Variants in SPOCK1 observed in about 807,000 individuals in gnomAD.
SPOCK1 encodes the protein SPARC (osteonectin), cwcv and kazal like domains proteoglycan 1.
A neutral mutation model predicts 55.3 loss-of-function variants in SPOCK1; 23 were observed. The observed-to-expected ratio is 0.42, with a 90% CI of 0.30 to 0.59. The LOEUF is 0.59. Ranked by LOEUF, SPOCK1 falls within the 20% of genes least tolerant of loss-of-function variation. The pLI is 0.22. For synonymous variants in SPOCK1, 226 were observed against 221.0 expected (o/e 1.02, Z -0.20); for missense variants, 499 against 552.5 (o/e 0.90, Z 0.97).
At chr5:137,260,546 G>A (rs1219690797) in intron 3 of SPOCK1, among the ~76,000 whole-genome samples, 1 of 152,154 alleles carries the variant, frequency 6.6e-6, no homozygotes, top group African/African-American at 2.4e-5. Flanking sequence ...TAATGATATG[G>A]TCACCTTTAG....
At chr5:137,293,175 T>C (rs1757408918) in intron 2 of SPOCK1, among the ~76,000 whole-genome samples, 1 of 141,456 alleles carries the variant, frequency 7.1e-6, no homozygotes, top group African/African-American at 2.6e-5. Flanking sequence ...ATAAATCTAA[T>C]AAACGAACAC....
In SPOCK1 at chr5:137,349,561, T is replaced by C. The variant is rs1427735433; in HGVS notation, c.187-82506A>G. On this transcript the variant is annotated intron_variant, in intron 2 of 10. Transcript: ENST00000394945. ...AAAACTGAGTGGCTTAGCACAGAAA[T>C]TATTGTCTCACAGATTTGAAAGCTA... is the stretch of plus-strand genomic sequence containing the variant. Among the ~76,000 whole-genome samples the C allele has an allele frequency of 5.9e-5, 9 of 152,312 alleles. No homozygotes were observed. In the East Asian group the frequency reaches 1.7e-3, roughly 29 times the overall value.
intron 2 of SPOCK1, among the ~76,000 whole-genome samples, chr5:137,452,868 T>C (rs1467818724): frequency 2.6e-5 from 4 of 152,164 alleles, no homozygotes; most frequent in Non-Finnish European, 5.9e-5. Context: ...CCAATATCGC[T>C]TTTGGTCCTG....
intron 2 of SPOCK1, among the ~76,000 whole-genome samples, chr5:137,356,798 AATATATATATATATATATAT>A (rs1191051173): frequency 3.6e-4 from 5 of 13,742 alleles, no homozygotes; most frequent in Admixed American, 2.6e-3. Flanking sequence ...CAAAAAAAAT[AATATATATATATATATATAT>A]ATATATATAT....
chr5:137,143,670 G>C (rs1462610478), intron 3 of SPOCK1, among the ~76,000 whole-genome samples: 1 of 152,138 alleles, frequency 6.6e-6, no homozygotes, highest in Admixed American at 6.5e-5. Context: ...AGTTTTTTGT[G>C]TTTGTCTTTT....
chr5:137,286,813 C>A (rs1290446307), intron 2 of SPOCK1, among the ~76,000 whole-genome samples: 1 of 152,112 alleles, frequency 6.6e-6, no homozygotes, highest in Admixed American at 6.5e-5. Flanking sequence ...GACAAATAGA[C>A]CACTGTTTCA....
intron 2 of SPOCK1, among the ~76,000 whole-genome samples, chr5:137,317,071 G>A (rs191027083): frequency 6.6e-6 from 1 of 152,274 alleles, no homozygotes; most frequent in African/African-American, 2.4e-5. Context: ...AGGGCCTCTG[G>A]GCACAACATG....
chr5:137,249,939 G>T (rs1482410891), intron 3 of SPOCK1, among the ~76,000 whole-genome samples: 1 of 152,138 alleles, frequency 6.6e-6, no homozygotes, highest in Admixed American at 6.5e-5. Context: ...TTAAAACCTG[G>T]TTGAGGAGAC....
chr5:137,260,928 A>C lies in SPOCK1; in HGVS notation c.232+6082T>G, dbSNP rs571129699. On this transcript the variant is annotated intron_variant, in intron 3 of 10. Transcript: ENST00000394945. ...GGCAGAGAGCAGGTTAATGTGAATAAGATGAGTAGTTGCTGTTGGGGAAAG... is the reference window on the plus strand; with the variant it reads ...GGCAGAGAGCAGGTTAATGTGAATACGATGAGTAGTTGCTGTTGGGGAAAG... 9.8e-5 allele frequency among the ~76,000 whole-genome samples: 15 copies of C among 152,324 alleles called. No individual in the cohort carries two copies. The South Asian group carries it at 2.9e-3, about 29-fold the overall frequency.
At chr5:137,330,048 C>T (rs1167891328) in intron 2 of SPOCK1, among the ~76,000 whole-genome samples, 2 of 152,176 alleles carry the variant, frequency 1.3e-5, no homozygotes, top group African/African-American at 4.8e-5. Context: ...CCTCACTCTG[C>T]TCTGCCAGGC....
chr5:137,167,566 A>G (rs1353102048), intron 3 of SPOCK1, among the ~76,000 whole-genome samples: 1 of 152,040 alleles, frequency 6.6e-6, no homozygotes, highest in African/African-American at 2.4e-5. Flanking sequence ...CTTTTTTGTT[A>G]GGTCACAAAA....
chr5:137,154,284 T>C (rs748786315), intron 3 of SPOCK1, among the ~76,000 whole-genome samples: 6 of 151,744 alleles, frequency 4.0e-5, no homozygotes, highest in Admixed American at 6.6e-5. Flanking sequence ...CAAAACTCCA[T>C]CTCAAAAAAA....
intron 3 of SPOCK1, among the ~76,000 whole-genome samples, chr5:137,177,883 T>TA (rs1754887702): frequency 6.6e-6 from 1 of 151,682 alleles, no homozygotes; most frequent in African/African-American, 2.4e-5. Context: ...GACTGAGAAA[T>TA]AAAGCTGGGG....
At chr5:137,417,943 A>G (rs1399370923) in intron 2 of SPOCK1, among the ~76,000 whole-genome samples, 1 of 152,058 alleles carries the variant, frequency 6.6e-6, no homozygotes, top group African/African-American at 2.4e-5. Flanking sequence ...TCCTAATGCT[A>G]TTCCTCCCCC....
chr5:137,256,261 C>A (rs1756629278), intron 3 of SPOCK1, among the ~76,000 whole-genome samples: 2 of 152,326 alleles, frequency 1.3e-5, no homozygotes, highest in South Asian at 4.1e-4. Flanking sequence ...GGAGGCCACA[C>A]AGAAATAGCA....
At chr5:137,258,250 C>G (rs1328803922) in intron 3 of SPOCK1, among the ~76,000 whole-genome samples, 1 of 152,202 alleles carries the variant, frequency 6.6e-6, no homozygotes, top group Non-Finnish European at 1.5e-5. Context: ...GAAAATGAAC[C>G]CATTCTCTGA....
rs574063851 is a variant in SPOCK1 at position 137,303,570 on chromosome 5, T to A, written c.187-36515A>T. 3.9e-4 allele frequency among the ~76,000 whole-genome samples: 60 copies of A among 152,348 alleles called. 1 individual carries two copies. Among genetic ancestry groups the A allele is most frequent in the African/African-American group, 1.4e-3 (57 of 41,578 alleles). ...ATCAGGTCATAGCATGGTCAACCGA[T>A]GACAGAGGATCAATGTATTCAGCAG... On this transcript the variant is annotated intron_variant, in intron 2 of 10. Transcript: ENST00000394945.
At chr5:137,281,542 G>A (rs1757166202) in intron 2 of SPOCK1, among the ~76,000 whole-genome samples, 1 of 152,220 alleles carries the variant, frequency 6.6e-6, no homozygotes, top group Non-Finnish European at 1.5e-5. Flanking sequence ...AAATAAGCAA[G>A]GAGTGACCCT....
intron 2 of SPOCK1, among the ~76,000 whole-genome samples, chr5:137,282,062 G>T (rs1757174125): frequency 6.6e-6 from 1 of 152,204 alleles, no homozygotes. Context: ...GGGCAATGGT[G>T]CCTACTCTAT....
Sources: allele counts gnomAD v4.1 joint callset (sites outside exome capture counted in the v4.1 genomes callset), GRCh38; gene constraint gnomAD v4.1.1; transcripts MANE v1.5; gene names NCBI Gene and HGNC (gene_info 2026-07-23, HGNC 2026-07-21).